NEURL4: variants seen among roughly 807,000 people sequenced by gnomAD.
NEURL4 encodes neuralized E3 ubiquitin protein ligase 4, also known as neuralized-like protein 4.
Under a neutral mutation model 148.0 loss-of-function variants are expected in NEURL4, and 45 were observed. The observed-to-expected ratio is 0.30, with a 90% CI of 0.24 to 0.39. The LOEUF (loss-of-function observed/expected upper bound fraction) is 0.39. NEURL4 is among the 10% of genes least tolerant of loss of function. The pLI, the probability that NEURL4 is intolerant of heterozygous loss-of-function variation, is 1.00. For synonymous variants in NEURL4, 854 were observed against 869.0 expected, an observed-to-expected ratio of 0.98 and a Z score of 0.30; for missense variants, 1,776 against 2,144.0, an observed-to-expected ratio of 0.83 and a Z score of 3.39.
chr17:7,324,534 C>T lies in NEURL4; in HGVS notation c.1814-54G>A, dbSNP rs115303574. The T allele has an allele frequency of 1.1e-3, 1,637 of 1,508,386 alleles. 17 individuals carry two copies. The African/African-American group carries it at 0.02, about 18-fold the overall frequency. 93.4% of individuals were successfully genotyped at this position (1,508,386 alleles called of 1,614,324 possible). ...TGAGGGGAAATGCAGGGCTCCTCTC[C>T]TTGCCACAGCAGCGCCCACAGGACT... On this transcript the variant is annotated intron_variant, in intron 9 of 28. Transcript: ENST00000399464. This position sits in a 1 kb window ranked among gnomAD's most constrained non-coding sequence, Gnocchi z 5.9.
In NEURL4 at chr17:7,320,799, A is replaced by G; in HGVS notation, c.3485T>C (p.Val1162Ala). 1 of 1,614,080 alleles carries G rather than the reference A, an allele frequency of 6.2e-7. No homozygotes were observed. ...GGGCACCAGAGGTTGGTTGATGACA[A>G]CGATGCCCTGATTGTAGCTGGCCAC... ...TRVASYNQGI[V>A]VINQPLVPQL... The change falls in exon 21 of 29, where the codon GTT (valine) becomes GCT (alanine). Residue 1162 changes from valine (V) to alanine (A), a missense_variant. Physicochemically the swap from Val to Ala is moderately conservative, Grantham distance 64. Coordinates refer to ENST00000399464, the MANE Select transcript of NEURL4 (RefSeq NM_032442.3).
Position 7,324,086 on chromosome 17 carries a change from C to T in NEURL4, c.2062+22G>A. 1.9e-6 allele frequency: 3 copies of T among 1,610,958 alleles called. No homozygotes were observed. The highest frequency in any genetic ancestry group is 2.5e-6 in the Non-Finnish European group (3 of 1,179,686). On this transcript the variant is annotated intron_variant, in intron 11 of 28. Coordinates refer to ENST00000399464, the MANE Select transcript of NEURL4 (RefSeq NM_032442.3). The surrounding 1 kb of genome is among the most constrained non-coding windows in gnomAD (Gnocchi z 5.9). ...TCCCAAGGCCACCCTAACCCCCAGC[C>T]CCAGCCCAGCCCGGCCCTCACCCAC... is the stretch of plus-strand genomic sequence containing the variant.
intron 21 of NEURL4, among the ~76,000 whole-genome samples, chr17:7,319,641 G>A (rs1415015492): frequency 2.0e-4 from 29 of 148,594 alleles, no homozygotes; most frequent in African/African-American, 5.9e-4. Context: ...TGGAGGTTGC[G>A]GTGAGCCGAG....
At chr17:7,319,707 A>C (rs1597631738) in intron 21 of NEURL4, among the ~76,000 whole-genome samples, 1 of 106,580 alleles carries the variant, frequency 9.4e-6, no homozygotes, top group African/African-American at 3.2e-5. Context: ...TCTCAAAAAA[A>C]ACAAAAAAAC....
chr17:7,327,382 A>G lies in NEURL4; in HGVS notation c.727+58T>C. ...CTGCCCACACCCAGCCTGTCTTGTC[A>G]CTCTATTTCCCCCATTCCGTCCCCA... is the stretch of plus-strand genomic sequence containing the variant. On this transcript the variant is annotated intron_variant, in intron 2 of 28. Transcript: ENST00000399464. This position sits in a 1 kb window ranked among gnomAD's most constrained non-coding sequence, Gnocchi z 6.6. 1 of 1,471,124 alleles carries G rather than the reference A, an allele frequency of 6.8e-7. No homozygotes were observed. The highest frequency in any genetic ancestry group is 9.2e-7 in the Non-Finnish European group (1 of 1,087,014). 91.1% of individuals were successfully genotyped at this position (1,471,124 alleles called of 1,614,324 possible).
intron 28 of NEURL4, 135 bp downstream of exon 28, chr17:7,317,070 G>A: frequency 1.8e-6 from 1 of 545,780 alleles, no homozygotes; most frequent in South Asian, 4.9e-5. Context: ...TGAAGAAAGG[G>A]CTGAGTTGGA....
At position 7,327,908 on chromosome 17, in the gene NEURL4, G is replaced by A. The variant is rs758545470; in HGVS notation, c.283-24C>T. The A allele has an allele frequency of 5.2e-6, 8 of 1,538,778 alleles. No homozygotes were observed. The Admixed American group carries it at 9.8e-5, about 19-fold the overall frequency. On this transcript the variant is annotated intron_variant, in intron 1 of 28. Coordinates refer to ENST00000399464, the MANE Select transcript of NEURL4 (RefSeq NM_032442.3). This position sits in a 1 kb window ranked among gnomAD's most constrained non-coding sequence, Gnocchi z 6.6. Reference sequence around the variant, plus strand: ...ACCTGGGATAGGGGTATTGGACAGAGGCTTAGAATGGGCCACCCCCCATTC... The same window carrying A: ...ACCTGGGATAGGGGTATTGGACAGAAGCTTAGAATGGGCCACCCCCCATTC...
chr17:7,326,796 G>T lies in NEURL4; in HGVS notation c.1007C>A (p.Thr336Lys). ...ATCCAGGGGCCGCCGGCGCTCAGCC[G>T]TCTTATTATTGTTGCTGAGTTTGAT... ...TLIKLSNNNK[T>K]AERRRPLDEF... is the part of the protein sequence containing the mutation. Residue 336 changes from threonine to lysine, a missense_variant, in exon 4 of 29, where the codon ACG becomes AAG. Transcript: ENST00000399464. This position sits in a 1 kb window ranked among gnomAD's most constrained non-coding sequence, Gnocchi z 6.0. 1 of 1,613,310 alleles carries T rather than the reference G, an allele frequency of 6.2e-7. No individual in the cohort carries two copies. Among genetic ancestry groups the T allele is most frequent in the Non-Finnish European group, 8.5e-7 (1 of 1,179,824 alleles).
rs200247655 is a variant in NEURL4 at position 7,329,094 on chromosome 17, C to G, written c.219G>C (p.Gly73=). The change falls in exon 1 of 29, where the codon GGG becomes GGC. Residue 73 remains glycine, a synonymous_variant. Transcript: ENST00000399464. ...GCAAGGGTTCTCGGCTCAACACCAG[C>G]CCGTGGTTAAACTCCTGGCCCGGCT... ...RQQPGQEFNH[G]LVLSREPLRD... The G allele has an allele frequency of 3.1e-6, 5 of 1,610,128 alleles. No individual in the cohort carries two copies. The highest frequency in any genetic ancestry group is 3.4e-6 in the Non-Finnish European group (4 of 1,179,020).
chr17:7,324,737 G>C lies in NEURL4; in HGVS notation c.1813+62C>G, dbSNP rs544513678. 3.8e-6 allele frequency: 6 copies of C among 1,561,842 alleles called. No individual in the cohort carries two copies. The Admixed American group carries it at 1.0e-4, about 26-fold the overall frequency. ...AAAAGGAGCTGCAGAACAAGTGCCA[G>C]GGCTTTGGGGATAGCTTCCCCCCAA... On this transcript the variant is annotated intron_variant, in intron 9 of 28. Coordinates refer to ENST00000399464, the MANE Select transcript of NEURL4 (RefSeq NM_032442.3). This position sits in a 1 kb window ranked among gnomAD's most constrained non-coding sequence, Gnocchi z 5.9.
At chr17:7,316,792 C>T (rs923332490) in intron 28 of NEURL4, among the ~76,000 whole-genome samples, 5 of 152,098 alleles carry the variant, frequency 3.3e-5, no homozygotes, top group South Asian at 2.1e-4. Flanking sequence ...CTTGGTGGTG[C>T]GTGCCTGTAG....
chr17:7,319,143 C>G lies in NEURL4; in HGVS notation c.3591G>C (p.Ala1197=). Residue 1197 remains alanine (A), a synonymous_variant, in exon 22 of 29, where the codon GCG becomes GCC. Transcript: ENST00000399464. ...SSLVLGVITC[A]PERLNFPASA... ...AAGCAGGGAAGTTGAGCCTCTCAGGCGCGCAGGTGATGACTCCCAGGACAA... is the reference window on the plus strand; with the variant it reads ...AAGCAGGGAAGTTGAGCCTCTCAGGGGCGCAGGTGATGACTCCCAGGACAA... 1 of 1,614,034 alleles carries G rather than the reference C, an allele frequency of 6.2e-7. No homozygotes were observed. The highest frequency in any genetic ancestry group is 8.5e-7 in the Non-Finnish European group (1 of 1,179,984).
rs773370010 is a variant in NEURL4, at chr17:7,321,924, C to T, written c.2812G>A (p.Gly938Ser). Residue 938 changes from glycine (G) to serine (S), a missense_variant, in exon 17 of 29, where the codon GGC becomes AGC. Gly to Ser is a moderately conservative substitution (Grantham distance 56, BLOSUM62 0). Coordinates refer to ENST00000399464, the MANE Select transcript of NEURL4 (RefSeq NM_032442.3). The surrounding 1 kb of genome is among the most constrained non-coding windows in gnomAD (Gnocchi z 6.3). ...EDGTRAVRAA[G>S]YAHGLVFSTK... ...CTGAAGACAAGGCCATGAGCATAGC[C>T]AGCGGCACGCACTGCCCTCGTGCCA... 5.0e-6 allele frequency: 8 copies of T among 1,613,996 alleles called. No homozygotes were observed. The highest frequency in any genetic ancestry group is 6.8e-6 in the Non-Finnish European group (8 of 1,180,022).
Position 7,327,230 on chromosome 17 carries a change from G to T in NEURL4, c.728C>A (p.Ala243Asp), listed in dbSNP as rs982523445. 3.1e-6 allele frequency: 5 copies of T among 1,608,268 alleles called. No individual in the cohort carries two copies. The highest frequency in any genetic ancestry group is 4.2e-6 in the Non-Finnish European group (5 of 1,178,222). ...GGCCTGCGCTGGGGACACCATGAAG[G>T]CTGGGGACCAGGTGGGATGGGAGGG... ...LAEQGTSADEAFMVSPAQARP... is the reference protein window; with the variant it reads ...LAEQGTSADEDFMVSPAQARP... Residue 243 changes from alanine to aspartate, a missense_variant and splice_region_variant, in exon 3 of 29, where the codon GCC becomes GAC. Ala to Asp is a moderately radical substitution (Grantham distance 126). Transcript: ENST00000399464. This position sits in a 1 kb window ranked among gnomAD's most constrained non-coding sequence, Gnocchi z 6.6.
rs2073103660 is a variant in NEURL4 at position 7,326,397 on chromosome 17, A to G, written c.1204+40T>C. 6.2e-7 allele frequency: 1 copy of G among 1,613,460 alleles called. No homozygotes were observed. Among genetic ancestry groups the G allele is most frequent in the Non-Finnish European group, 8.5e-7 (1 of 1,179,552 alleles). On this transcript the variant is annotated intron_variant, in intron 5 of 28. Transcript: ENST00000399464. This position sits in a 1 kb window ranked among gnomAD's most constrained non-coding sequence, Gnocchi z 6.0. Reference sequence around the variant, plus strand: ...GTACGGGGCTTCCTTCCCCTCAGCAACACCAGGCCTGCACCCCCGCCCCTG... The same window carrying G: ...GTACGGGGCTTCCTTCCCCTCAGCAGCACCAGGCCTGCACCCCCGCCCCTG...
At chr17:7,320,520 A>T (rs1285580049) in intron 21 of NEURL4, among the ~76,000 whole-genome samples, 1 of 152,070 alleles carries the variant, frequency 6.6e-6, no homozygotes, top group Non-Finnish European at 1.5e-5. Context: ...CACATATAGG[A>T]TCAGGCATTT....
At chr17:7,320,672 C>G in intron 21 of NEURL4, 87 bp downstream of exon 21, 1 of 1,276,744 alleles carries the variant, frequency 7.8e-7, no homozygotes. Flanking sequence ...CTTTCTTTTT[C>G]TCCACACAAA....
Position 7,326,787 on chromosome 17 carries a change from C to G in NEURL4, c.1016G>C (p.Arg339Pro). Reference protein sequence around the residue: ...KLSNNNKTAERRRPLDEFNNG... With the variant: ...KLSNNNKTAEPRRPLDEFNNG... Reference sequence around the variant, plus strand: ...GTTGAATTCATCCAGGGGCCGCCGGCGCTCAGCCGTCTTATTATTGTTGCT... The same window carrying G: ...GTTGAATTCATCCAGGGGCCGCCGGGGCTCAGCCGTCTTATTATTGTTGCT... The change falls in exon 4 of 29, where the codon CGC (arginine) becomes CCC (proline). Residue 339 changes from arginine to proline, a missense_variant. Transcript: ENST00000399464. This position sits in a 1 kb window ranked among gnomAD's most constrained non-coding sequence, Gnocchi z 6.0. 6.2e-7 allele frequency: 1 copy of G among 1,613,260 alleles called. No homozygotes were observed. Among genetic ancestry groups the G allele is most frequent in the Admixed American group, 1.7e-5 (1 of 59,702 alleles).
chr17:7,328,448 G>C (rs1325130440), intron 1 of NEURL4, among the ~76,000 whole-genome samples: 1 of 152,196 alleles, frequency 6.6e-6, no homozygotes, highest in Non-Finnish European at 1.5e-5. Context: ...CTATTGCCCA[G>C]GCTGGAGTGC....
Sources: gnomAD v4.1 joint callset for allele counts (sites outside exome capture counted in the v4.1 genomes callset) on GRCh38, gnomAD v4.1.1 for gene constraint, Gnocchi (gnomAD v3.1) non-coding constraint, MANE v1.5 for transcripts, NCBI Gene and HGNC (gene_info 2026-07-23, HGNC 2026-07-21) for gene names.